NF1: variants seen among roughly 807,000 people sequenced by gnomAD.
The protein encoded by NF1 is neurofibromin.
NF1 carries 122 observed loss-of-function variants against 325.7 expected under a neutral mutation model. That is an observed-to-expected ratio of 0.37 (90% CI 0.32 to 0.44). The LOEUF (loss-of-function observed/expected upper bound fraction) is 0.44. NF1 is among the 20% of genes least tolerant of loss of function. The pLI is 1.00. For missense variants in NF1, 2,140 were observed against 3,415.4 expected (o/e 0.63, Z 9.31); for synonymous variants, 1,091 against 1,186.0 (o/e 0.92, Z 1.65).
chr17:31,360,808 T>C (rs746972077), intron 57 of NF1, 105 bp downstream of exon 57: 43 of 957,418 alleles, frequency 4.5e-5, no homozygotes, highest in Non-Finnish European at 3.2e-5. Flanking sequence ...CTTTTTCTTA[T>C]GAGATTCACC....
At chr17:31,288,971 C>T (rs769609440) in intron 36 of NF1, among the ~76,000 whole-genome samples, 5 of 152,162 alleles carry the variant, frequency 3.3e-5, no homozygotes, top group Non-Finnish European at 5.9e-5. Context: ...GAATAAGACT[C>T]GCAGGTTTGA....
intron 36 of NF1, chr17:31,303,748 A>G (rs2068630534): frequency 6.6e-6 from 1 of 152,404 alleles, no homozygotes; most frequent in Non-Finnish European, 1.5e-5. Flanking sequence ...ACTCTTTGCA[A>G]TGAAACCAAG....
intron 57 of NF1, among the ~76,000 whole-genome samples, chr17:31,365,814 A>G (rs1438043242): frequency 2.0e-5 from 3 of 152,198 alleles, no homozygotes. Flanking sequence ...TAGTATTCTG[A>G]TAGTTCAAAG....
At chr17:31,335,174 C>G (rs1288742560) in intron 40 of NF1, 143 bp downstream of exon 40, 1 of 658,458 alleles carries the variant, frequency 1.5e-6, no homozygotes, top group Non-Finnish European at 2.6e-6. Context: ...CATGTAGACA[C>G]TCACCCAGCT....
chr17:31,201,415 G>A lies in NF1; in HGVS notation c.1190G>A (p.Cys397Tyr), dbSNP rs786201937. The A allele has an allele frequency of 6.2e-7, 1 of 1,604,872 alleles. No homozygotes were observed. Among genetic ancestry groups the A allele is most frequent in the Non-Finnish European group, 8.5e-7 (1 of 1,176,056 alleles). Residue 397 changes from cysteine to tyrosine, a missense_variant, in exon 11 of 58, where the codon TGC becomes TAC. Cys to Tyr is a radical substitution (Grantham distance 194). Coordinates refer to ENST00000358273, the MANE Select transcript of NF1 (RefSeq NM_001042492.3). ...SPHNNQHFKI[C>Y]LAQNSPSTFH... The stretch of plus-strand genomic sequence containing the variant: ...TTTTTTTTTCTTTTTCTATAGATCT[G>A]CCTGGCTCAGAATTCACCTTCTACA...
At chr17:31,192,474 A>G (rs2066362958) in intron 8 of NF1, among the ~76,000 whole-genome samples, 1 of 152,218 alleles carries the variant, frequency 6.6e-6, no homozygotes, top group South Asian at 2.1e-4. Flanking sequence ...CTTGGGATTA[A>G]TGGAAAGGAA....
chr17:31,346,000 A>G, intron 48 of NF1: 1 of 1,612,894 alleles, frequency 6.2e-7, no homozygotes, highest in East Asian at 2.2e-5. Flanking sequence ...CAGCAGGAGG[A>G]TGATAAACCC....
At chr17:31,285,170 G>T (rs1195208151) in intron 36 of NF1, among the ~76,000 whole-genome samples, 1 of 151,592 alleles carries the variant, frequency 6.6e-6, no homozygotes, top group African/African-American at 2.4e-5. Flanking sequence ...CCAGCTACTT[G>T]GGAGGGTGAG....
At chr17:31,168,874 C>G (rs1375208167) in intron 4 of NF1, among the ~76,000 whole-genome samples, 2 of 152,148 alleles carry the variant, frequency 1.3e-5, no homozygotes, top group African/African-American at 2.4e-5. Flanking sequence ...GAAACGTTTT[C>G]TATTCTGTCA....
intron 8 of NF1, among the ~76,000 whole-genome samples, chr17:31,187,774 C>T (rs1312603766): frequency 1.3e-5 from 2 of 152,166 alleles, no homozygotes; most frequent in African/African-American, 2.4e-5. Flanking sequence ...TTATGTTCTG[C>T]TGGCCTAGAG....
chr17:31,139,361 A>G (rs753140229), intron 1 of NF1, among the ~76,000 whole-genome samples: 1 of 139,262 alleles, frequency 7.2e-6, no homozygotes, highest in Non-Finnish European at 1.5e-5. Flanking sequence ...CTTAGATCTT[A>G]AATGTTTTAC....
chr17:31,327,414 G>A, intron 37 of NF1, 85 bp from the exon 38 acceptor site: 1 of 949,758 alleles, frequency 1.1e-6, no homozygotes, highest in Non-Finnish European at 1.6e-6. Context: ...GTTTTGTTTG[G>A]TTGGTTGGTT....
chr17:31,277,740 C>G (rs9906353), intron 36 of NF1, among the ~76,000 whole-genome samples: 1,642 of 152,268 alleles, frequency 0.011, 32 homozygotes, highest in African/African-American at 0.037. Flanking sequence ...TCCATCCATG[C>G]AGTATGGTTT....
chr17:31,105,217 A>G (rs1912746909), intron 1 of NF1, among the ~76,000 whole-genome samples: 1 of 152,184 alleles, frequency 6.6e-6, no homozygotes, highest in African/African-American at 2.4e-5. Context: ...CTTTTGAGCC[A>G]CTGACTATAT....
intron 1 of NF1, among the ~76,000 whole-genome samples, chr17:31,130,901 G>T (rs953423819): frequency 3.3e-5 from 5 of 152,184 alleles, no homozygotes; most frequent in African/African-American, 1.2e-4. Flanking sequence ...TGGCAGGCTC[G>T]TGCTTTTCCA....
At chr17:31,189,385 A>T (rs1457956653) in intron 8 of NF1, among the ~76,000 whole-genome samples, 2 of 152,188 alleles carry the variant, frequency 1.3e-5, no homozygotes, top group African/African-American at 4.8e-5. Flanking sequence ...TTATTGAGAT[A>T]TAATTCACAT....
intron 3 of NF1, among the ~76,000 whole-genome samples, chr17:31,159,625 C>G (rs1190452454): frequency 6.6e-6 from 1 of 152,140 alleles, no homozygotes; most frequent in Non-Finnish European, 1.5e-5. Flanking sequence ...AATTATTTCT[C>G]TGGTTTCCTG....
chr17:31,156,231 AC>A (rs1415457042), intron 2 of NF1, 105 bp downstream of exon 2: 7 of 1,310,500 alleles, frequency 5.3e-6, no homozygotes, highest in Non-Finnish European at 7.6e-6. Flanking sequence ...TTTTCTGTGG[AC>A]TTTGGATATA....
intron 1 of NF1, among the ~76,000 whole-genome samples, chr17:31,101,328 G>C (rs531277406): frequency 6.6e-5 from 10 of 152,092 alleles, no homozygotes; most frequent in African/African-American, 1.9e-4. Flanking sequence ...TCTTAGTTTT[G>C]TTCTGCTATT....
Sources: allele counts gnomAD v4.1 joint callset (sites outside exome capture counted in the v4.1 genomes callset), GRCh38; gene constraint gnomAD v4.1.1; transcripts MANE v1.5; gene names NCBI Gene and HGNC (gene_info 2026-07-23, HGNC 2026-07-21).